COL1A1: variants seen among roughly 807,000 people sequenced by gnomAD.
The protein encoded by COL1A1 is collagen type I alpha 1 chain.
COL1A1 carries 21 observed loss-of-function variants against 195.7 expected under a neutral mutation model. The observed-to-expected ratio is 0.11, with a 90% CI of 0.08 to 0.15. The LOEUF is 0.15. COL1A1 is among the 10% of genes least tolerant of loss of function. The pLI, the probability that COL1A1 is intolerant of heterozygous loss-of-function variation, is 1.00. For synonymous variants in COL1A1, 749 were observed against 747.3 expected (o/e 1.00, Z -0.04); for missense variants, 1,365 against 2,051.0 (o/e 0.67, Z 6.46).
chr17:50,193,175 G>T, intron 25 of COL1A1, 128 bp from the exon 26 acceptor site: 2 of 929,260 alleles, frequency 2.2e-6, no homozygotes, highest in Non-Finnish European at 3.4e-6. Flanking sequence ...GGCCCCCGGG[G>T]AATGCCCCTG....
intron 25 of COL1A1, 88 bp downstream of exon 25, chr17:50,193,855 C>T (rs41316665): frequency 8.3e-4 from 990 of 1,191,222 alleles, no homozygotes; most frequent in Non-Finnish European, 1.1e-3. Context: ...GGCAGGTCAG[C>T]GGCACAGCTG....
chr17:50,193,004 G>T lies in COL1A1; in HGVS notation c.1811C>A (p.Pro604His), dbSNP rs374990175. The part of the protein sequence containing the change: ...KAGERGVPGP[P>H]GAVGPAGKDG... ...AAAGGAGATACTTACGACAGCGCCA[G>T]GGGGTCCGGGAACACCTCGCTCTCC... is the stretch of plus-strand genomic sequence containing the variant. Residue 604 changes from proline to histidine, a missense_variant, in exon 26 of 51, where the codon CCT becomes CAT. Pro to His is a moderately conservative substitution (Grantham distance 77, BLOSUM62 -2). This residue lies in a region of COL1A1 where 671 missense variants were observed against 1,099.9 expected (regional missense o/e 0.61). Transcript: ENST00000225964. 2 of 1,614,020 alleles carry T rather than the reference G, an allele frequency of 1.2e-6. No homozygotes were observed. Among genetic ancestry groups the T allele is most frequent in the African/African-American group, 2.7e-5 (2 of 74,940 alleles).
Position 50,195,462 on chromosome 17 carries a change from T to A in COL1A1, c.1172A>T (p.Asp391Val). ...AAGPAGNPGA[D>V]GQPGAKGANG... ...GGCACCTTTAGCACCAGGCTGTCCA[T>A]CAGCACCAGGGTTTCCCTGTGGCAC... Residue 391 changes from aspartate (D) to valine (V), a missense_variant, in exon 18 of 51, where the codon GAT becomes GTT. This residue lies in a region of COL1A1 where 226 missense variants were observed against 372.9 expected (regional missense o/e 0.61). Coordinates refer to ENST00000225964, the MANE Select transcript of COL1A1 (RefSeq NM_000088.4). This position sits in a 1 kb window ranked among gnomAD's most constrained non-coding sequence, Gnocchi z 4.3. 6.2e-7 allele frequency: 1 copy of A among 1,614,048 alleles called. No individual in the cohort carries two copies. The highest frequency in any genetic ancestry group is 8.5e-7 in the Non-Finnish European group (1 of 1,179,976).
rs1190401602 is a variant in COL1A1, at chr17:50,185,198, C to T, written c.*304G>A. The T allele has an allele frequency of 4.8e-5, 19 of 393,712 alleles. No individual in the cohort carries two copies. The highest frequency in any genetic ancestry group is 1.4e-4 in the African/African-American group (7 of 48,748). The allele number at this position is 393,712 out of a possible 1,614,324, so 24.4% of individuals were successfully genotyped here. A position where few individuals can be genotyped will look rare whatever the true frequency, so the allele number is the denominator to read the frequency against. The stretch of plus-strand genomic sequence containing the variant: ...CAACGGGCAGAAAGGGACTTACCCC[C>T]GCATGGGTCTTCAAGCAAGTGGACC... On this transcript the variant is annotated 3_prime_UTR_variant, in exon 51 of 51. Coordinates refer to ENST00000225964, the MANE Select transcript of COL1A1 (RefSeq NM_000088.4).
At chr17:50,191,615 A>G in intron 31 of COL1A1, 125 bp from the exon 32 acceptor site, 1 of 1,141,824 alleles carries the variant, frequency 8.8e-7, no homozygotes, top group South Asian at 1.3e-5. Flanking sequence ...AGAAAAGATG[A>G]AAAGACTCAC....
Position 50,194,931 on chromosome 17 carries a change from G to C in COL1A1, c.1354-103C>G. The C allele has an allele frequency of 7.5e-6, 11 of 1,465,526 alleles. No homozygotes were observed. Among genetic ancestry groups the C allele is most frequent in the Non-Finnish European group, 1.0e-5 (11 of 1,052,914 alleles). 90.8% of individuals were successfully genotyped at this position (1,465,526 alleles called of 1,614,324 possible). On this transcript the variant is annotated intron_variant, in intron 20 of 50. Coordinates refer to ENST00000225964, the MANE Select transcript of COL1A1 (RefSeq NM_000088.4). The surrounding 1 kb of genome is among the most constrained non-coding windows in gnomAD (Gnocchi z 6.8). The stretch of plus-strand genomic sequence containing the variant: ...GCCTCCAGTGTCAGGGGTTCCTGGG[G>C]GTGTGGCAGGGACTCCCCCAGAAGA...
rs1906354100 is a variant in COL1A1, at chr17:50,185,062, C to T, written c.*440G>A. On this transcript the variant is annotated 3_prime_UTR_variant, in exon 51 of 51. Coordinates refer to ENST00000225964, the MANE Select transcript of COL1A1 (RefSeq NM_000088.4). ...GCCTTTGATTGCTGGGCAGACAATACATTGTTTCCTGTGTCTTCTGGGGAG... is the reference window on the plus strand; with the variant it reads ...GCCTTTGATTGCTGGGCAGACAATATATTGTTTCCTGTGTCTTCTGGGGAG... The T allele has an allele frequency of 4.0e-6, 1 of 251,442 alleles. No individual in the cohort carries two copies. The highest frequency in any genetic ancestry group is 2.2e-5 in the African/African-American group (1 of 45,272). 15.6% of individuals were successfully genotyped at this position (251,442 alleles called of 1,614,324 possible). A position where few individuals can be genotyped will look rare whatever the true frequency, so the allele number is the denominator to read the frequency against.
intron 9 of COL1A1, among the ~76,000 whole-genome samples, chr17:50,197,457 A>G (rs1045851824): frequency 6.6e-6 from 1 of 152,232 alleles, no homozygotes; most frequent in Non-Finnish European, 1.5e-5. Context: ...TGTCACCAGC[A>G]TTTTAATTTC....
Position 50,190,920 on chromosome 17 carries a change from T to G in COL1A1, c.2240A>C (p.Asp747Ala). 1 of 1,614,032 alleles carries G rather than the reference T, an allele frequency of 6.2e-7. No homozygotes were observed. The highest frequency in any genetic ancestry group is 8.5e-7 in the Non-Finnish European group (1 of 1,179,940). The change falls in exon 33 of 51, where the codon GAT becomes GCT. Residue 747 changes from aspartate (D) to alanine (A), a missense_variant. Around this residue, in one of 5 missense-constraint regions of COL1A1, gnomAD observed 671 missense variants for 1,099.9 expected, o/e 0.61. Transcript: ENST00000225964. This position sits in a 1 kb window ranked among gnomAD's most constrained non-coding sequence, Gnocchi z 4.7. Reference sequence around the variant, plus strand: ...GCCATCAGCACCTTTGGGACCAGCATCACCCTAAAGACATGGATAAGCTTG... The same window carrying G: ...GCCATCAGCACCTTTGGGACCAGCAGCACCCTAAAGACATGGATAAGCTTG... ...GLPGPKGDRG[D>A]AGPKGADGSP...
chr17:50,192,913 C>A, intron 26 of COL1A1, 63 bp from the exon 27 acceptor site: 1 of 1,612,926 alleles, frequency 6.2e-7, no homozygotes, highest in Non-Finnish European at 8.5e-7. Flanking sequence ...AGGACCGTGG[C>A]CTCTAGCACC....
At position 50,187,134 on chromosome 17, in the gene COL1A1, G is replaced by A. The variant is rs752291095; in HGVS notation, c.3424-12C>T. On this transcript the variant is annotated splice_polypyrimidine_tract_variant and intron_variant, in intron 46 of 50. Coordinates refer to ENST00000225964, the MANE Select transcript of COL1A1 (RefSeq NM_000088.4). Reference sequence around the variant, plus strand: ...GAGCCAGGGGGACCCTGGAGTGGGGGAAATGGTTTGAGAAAGGCTGCCAGA... The same window carrying A: ...GAGCCAGGGGGACCCTGGAGTGGGGAAAATGGTTTGAGAAAGGCTGCCAGA... 3.8e-6 allele frequency: 6 copies of A among 1,587,748 alleles called. No individual in the cohort carries two copies. In the East Asian group the frequency reaches 6.8e-5, roughly 18 times the overall value.
chr17:50,188,100 G>T lies in COL1A1; in HGVS notation c.3257C>A (p.Pro1086His). 1 of 1,595,144 alleles carries T rather than the reference G, an allele frequency of 6.3e-7. No homozygotes were observed. Among genetic ancestry groups the T allele is most frequent in the East Asian group, 2.3e-5 (1 of 43,954 alleles). Residue 1086 changes from proline to histidine, a missense_variant, in exon 44 of 51, where the codon CCC (proline) becomes CAC (histidine). Around this residue, in one of 5 missense-constraint regions of COL1A1, gnomAD observed 671 missense variants for 1,099.9 expected, o/e 0.61. Coordinates refer to ENST00000225964, the MANE Select transcript of COL1A1 (RefSeq NM_000088.4). The surrounding 1 kb of genome is among the most constrained non-coding windows in gnomAD (Gnocchi z 5.6). ...GPVGPVGARG[P>H]AGPQGPRGDK... ...GGGACACAGCAGGGTACTTACGGCG[G>T]GGCCACGGGCGCCAACAGGGCCGAC...
At chr17:50,196,944 G>A in intron 11 of COL1A1, 66 bp downstream of exon 11, 1 of 1,561,544 alleles carries the variant, frequency 6.4e-7, no homozygotes, top group Non-Finnish European at 8.8e-7. Context: ...TTTTGGGGAA[G>A]AGGTTGGGAC....
At position 50,198,412 on chromosome 17, in the gene COL1A1, A is replaced by T. The variant is rs758856220; in HGVS notation, c.543+21T>A. The T allele has an allele frequency of 8.7e-6, 14 of 1,611,296 alleles. No individual in the cohort carries two copies. The East Asian group carries it at 3.1e-4, about 36-fold the overall frequency. On this transcript the variant is annotated intron_variant, in intron 6 of 50. Coordinates refer to ENST00000225964, the MANE Select transcript of COL1A1 (RefSeq NM_000088.4). Reference sequence around the variant, plus strand: ...ATACCCATTCTCTCTTCTGTCATCCATGCTCCCCCTGCTGGCTCACCATGG... The same window carrying T: ...ATACCCATTCTCTCTTCTGTCATCCTTGCTCCCCCTGCTGGCTCACCATGG...
Position 50,196,617 on chromosome 17 carries a change from C to T in COL1A1, c.858G>A (p.Lys286=), listed in dbSNP as rs1467737442. ...CCATGATGTTCAGACAGCCTCTTAC[C>T]TTAGGACCAGCAGGACCAGCATCTC... ...AKGDAGPAGP[K]GEPGSPGENG... Residue 286 remains lysine, a splice_region_variant and synonymous_variant, in exon 12 of 51, where the codon AAG becomes AAA. Coordinates refer to ENST00000225964, the MANE Select transcript of COL1A1 (RefSeq NM_000088.4). 4 of 1,614,150 alleles carry T rather than the reference C, an allele frequency of 2.5e-6. No individual in the cohort carries two copies. Among genetic ancestry groups the T allele is most frequent in the Non-Finnish European group, 3.4e-6 (4 of 1,180,032 alleles).
In COL1A1 at chr17:50,196,514, G is replaced by A. The variant is rs2144581326; in HGVS notation, c.873C>T (p.Ser291=). ...GPAGPKGEPG[S]PGENGAPGQM... is the part of the protein sequence containing the mutation. ...GACCAGGAGCTCCATTTTCACCAGG[G>A]CTGCCAGGCTCACCCTGTAGATCAG... The change falls in exon 13 of 51, where the codon AGC becomes AGT. Residue 291 remains serine, a synonymous_variant. Transcript: ENST00000225964. 6.2e-7 allele frequency: 1 copy of A among 1,614,188 alleles called. No homozygotes were observed. The highest frequency in any genetic ancestry group is 8.5e-7 in the Non-Finnish European group (1 of 1,180,042).
At position 50,188,995 on chromosome 17, in the gene COL1A1, G is replaced by C. The variant is rs1301713479; in HGVS notation, c.2953C>G (p.Gln985Glu). 3 of 1,612,514 alleles carry C rather than the reference G, an allele frequency of 1.9e-6. No homozygotes were observed. The highest frequency in any genetic ancestry group is 2.2e-5 in the East Asian group (1 of 44,736). The change falls in exon 41 of 51, where the codon CAA becomes GAA. Residue 985 changes from glutamine (Q) to glutamate (E), a missense_variant. Around this residue, in one of 5 missense-constraint regions of COL1A1, gnomAD observed 671 missense variants for 1,099.9 expected, o/e 0.61. Coordinates refer to ENST00000225964, the MANE Select transcript of COL1A1 (RefSeq NM_000088.4). This position sits in a 1 kb window ranked among gnomAD's most constrained non-coding sequence, Gnocchi z 5.6. ...LPGPSGEPGK[Q>E]GPSGASGERG... ...TCACCACTTGCTCCAGAGGGACCTT[G>C]TTTGCCAGGTTCACCCTAAGGGAGA...
rs1447564447 is a variant in COL1A1, at chr17:50,190,770, G to A, written c.2343+47C>T. 6.4e-7 allele frequency: 1 copy of A among 1,556,290 alleles called. No homozygotes were observed. Among genetic ancestry groups the A allele is most frequent in the Non-Finnish European group, 8.9e-7 (1 of 1,128,030 alleles). On this transcript the variant is annotated intron_variant, in intron 33 of 50. Transcript: ENST00000225964. This position sits in a 1 kb window ranked among gnomAD's most constrained non-coding sequence, Gnocchi z 4.7. ...CCACGGAACCGTGCCCAGGCCTGCT[G>A]AGGAGGCTATGTGTTAGGGCAGAAG...
At position 50,188,756 on chromosome 17, in the gene COL1A1, A is replaced by G; in HGVS notation, c.3085T>C (p.Ser1029Pro). 1 of 1,613,992 alleles carries G rather than the reference A, an allele frequency of 6.2e-7. No homozygotes were observed. Among genetic ancestry groups the G allele is most frequent in the Non-Finnish European group, 8.5e-7 (1 of 1,179,962 alleles). ...TGCCATCTTACCTTGGCGCCAGGAG[A>G]ACCGTCTCGTCCAGGGGAACCTTCG... ...GAEGSPGRDGSPGAKGDRGET... is the reference protein window; with the variant it reads ...GAEGSPGRDGPPGAKGDRGET... Residue 1029 changes from serine to proline, a missense_variant, in exon 42 of 51, where the codon TCT becomes CCT. Transcript: ENST00000225964. This position sits in a 1 kb window ranked among gnomAD's most constrained non-coding sequence, Gnocchi z 5.6.
Sources: allele counts gnomAD v4.1 joint callset (sites outside exome capture counted in the v4.1 genomes callset), GRCh38; gene constraint gnomAD v4.1.1; regional missense constraint gnomAD v4.1.1; non-coding constraint Gnocchi (gnomAD v3.1); transcripts MANE v1.5; gene names NCBI Gene and HGNC (gene_info 2026-07-23, HGNC 2026-07-21).